AGPS: variants seen among roughly 807,000 people sequenced by gnomAD.
AGPS encodes alkyldihydroxyacetonephosphate synthase, peroxisomal.
A neutral mutation model predicts 90.7 loss-of-function variants in AGPS; 26 were observed. The ratio of observed to expected loss-of-function variants is 0.29; its 90% CI spans 0.21 to 0.40. The LOEUF is 0.40. Among genes scored for constraint, AGPS ranks in the 10% least tolerant of loss-of-function variants. The pLI is 1.00. For synonymous variants in AGPS, 294 were observed against 285.3 expected (o/e 1.03, Z -0.31); for missense variants, 540 against 816.1 (o/e 0.66, Z 4.12).
At chr2:177,424,581 A>C (rs1237787785) in intron 2 of AGPS, among the ~76,000 whole-genome samples, 4 of 152,084 alleles carry the variant, frequency 2.6e-5, no homozygotes, top group Non-Finnish European at 1.5e-5. Flanking sequence ...TTTATAATGT[A>C]TCTATTCCTT....
chr2:177,424,834 G>A (rs1226469629), intron 2 of AGPS, among the ~76,000 whole-genome samples: 2 of 152,202 alleles, frequency 1.3e-5, no homozygotes, highest in East Asian at 3.8e-4. Context: ...AATGATGAGT[G>A]ATGCTGAGCT....
At chr2:177,411,635 C>T (rs1230748443) in intron 1 of AGPS, among the ~76,000 whole-genome samples, 2 of 152,174 alleles carry the variant, frequency 1.3e-5, no homozygotes, top group African/African-American at 4.8e-5. Flanking sequence ...CTAGCAGTAA[C>T]ATTATATTTT....
chr2:177,423,258 G>T (rs1206015486), intron 2 of AGPS, among the ~76,000 whole-genome samples: 1 of 18,374 alleles, frequency 5.4e-5, no homozygotes, highest in Non-Finnish European at 1.7e-4. Flanking sequence ...GGGGAGAAGC[G>T]TAAGAAGATT....
chr2:177,481,530 A>G (rs541909553), intron 10 of AGPS, among the ~76,000 whole-genome samples: 1 of 152,006 alleles, frequency 6.6e-6, no homozygotes, highest in Non-Finnish European at 1.5e-5. Flanking sequence ...TTAAAAGGGC[A>G]TCTCAGTAAT....
chr2:177,455,014 A>G (rs1452813310), intron 8 of AGPS, among the ~76,000 whole-genome samples: 1 of 151,496 alleles, frequency 6.6e-6, no homozygotes, highest in South Asian at 2.1e-4. Context: ...TTTTAAGCTC[A>G]TCAGCTGTTG....
At chr2:177,412,638 G>A (rs1038756238) in intron 1 of AGPS, among the ~76,000 whole-genome samples, 4 of 152,236 alleles carry the variant, frequency 2.6e-5, no homozygotes, top group Admixed American at 6.5e-5. Flanking sequence ...GTCCCTTCGT[G>A]GTTGCCAAAA....
At chr2:177,455,583 C>T (rs553072146) in intron 8 of AGPS, among the ~76,000 whole-genome samples, 75 of 152,108 alleles carry the variant, frequency 4.9e-4, no homozygotes, top group African/African-American at 1.7e-3. Flanking sequence ...TGTGAGCCAC[C>T]ATGCCTGGCC....
At chr2:177,502,232 G>A (rs1244972785) in intron 14 of AGPS, among the ~76,000 whole-genome samples, 2 of 126,304 alleles carry the variant, frequency 1.6e-5, no homozygotes, top group Admixed American at 1.7e-4. Context: ...GTTAAAGATT[G>A]GCTCCGTTTG....
chr2:177,523,487 G>A (rs180919501), intron 18 of AGPS, among the ~76,000 whole-genome samples: 62 of 152,282 alleles, frequency 4.1e-4, no homozygotes, highest in African/African-American at 1.5e-3. Context: ...TTAGTGTGCT[G>A]AATGGTCATT....
At chr2:177,530,005 AAT>A (rs1414200804) in intron 19 of AGPS, among the ~76,000 whole-genome samples, 2 of 152,212 alleles carry the variant, frequency 1.3e-5, no homozygotes, top group Admixed American at 1.3e-4. Flanking sequence ...CTTAAAAAAC[AAT>A]AGTTTTGTTT....
intron 12 of AGPS, among the ~76,000 whole-genome samples, chr2:177,494,088 T>TTTATC (rs1229787631): frequency 1.3e-5 from 2 of 152,162 alleles, no homozygotes; most frequent in Non-Finnish European, 1.5e-5. Context: ...TACTTTGGGA[T>TTTATC]TTAAGTTTAT....
rs139133686 is a variant in AGPS, at chr2:177,394,895, A to T, written c.260+1846A>T. On this transcript the variant is annotated intron_variant, in intron 1 of 19. Coordinates refer to ENST00000264167, the MANE Select transcript of AGPS (RefSeq NM_003659.4). ...CTAAAGGCAGAGAGACTAGGAGACTATTATTCCAGGGAGAAATGCTGGGAT... is the reference window on the plus strand; with the variant it reads ...CTAAAGGCAGAGAGACTAGGAGACTTTTATTCCAGGGAGAAATGCTGGGAT... Among the ~76,000 whole-genome samples, 114 of 152,208 alleles carry T rather than the reference A, an allele frequency of 7.5e-4. 3 individuals are homozygous for T. The highest frequency in any genetic ancestry group is 2.6e-4 in the Non-Finnish European group (18 of 68,040).
intron 11 of AGPS, among the ~76,000 whole-genome samples, chr2:177,492,873 T>G (rs1200906690): frequency 6.6e-6 from 1 of 151,828 alleles, no homozygotes; most frequent in Non-Finnish European, 1.5e-5. Flanking sequence ...TGCCAGACAT[T>G]AGGCAGCTTT....
At chr2:177,502,278 T>G (rs1688581410) in intron 14 of AGPS, among the ~76,000 whole-genome samples, 1 of 152,176 alleles carries the variant, frequency 6.6e-6, no homozygotes, top group East Asian at 1.9e-4. Context: ...TATTTGTTCC[T>G]TCTTAGTTAT....
intron 2 of AGPS, among the ~76,000 whole-genome samples, chr2:177,424,128 A>G (rs1474957545): frequency 1.3e-5 from 2 of 151,996 alleles, no homozygotes; most frequent in Non-Finnish European, 2.9e-5. Context: ...GCTCCCCTTG[A>G]TGGGCCCCAG....
At chr2:177,475,388 C>T (rs1044093105) in intron 10 of AGPS, among the ~76,000 whole-genome samples, 1 of 152,146 alleles carries the variant, frequency 6.6e-6, no homozygotes, top group Non-Finnish European at 1.5e-5. Flanking sequence ...CCCTTTGCCT[C>T]TTCTGACAAA....
chr2:177,434,196 C>G (rs750397893), intron 2 of AGPS, 131 bp from the exon 3 acceptor site: 1 of 677,250 alleles, frequency 1.5e-6, no homozygotes, highest in African/African-American at 1.8e-5. Flanking sequence ...TGTTTTCGTT[C>G]AGAGTTTATA....
intron 14 of AGPS, among the ~76,000 whole-genome samples, chr2:177,501,200 T>G (rs1688551503): frequency 6.6e-6 from 1 of 152,162 alleles, no homozygotes; most frequent in Non-Finnish European, 1.5e-5. Context: ...ATCATTTAAA[T>G]AACTGTATAT....
chr2:177,508,056 A>G, intron 16 of AGPS, 25 bp downstream of exon 16: 2 of 1,533,552 alleles, frequency 1.3e-6, no homozygotes, highest in South Asian at 1.1e-5. Context: ...AGTGCCTGAT[A>G]TTATTCAAAT....
Sources: gnomAD v4.1 joint callset for allele counts (sites outside exome capture counted in the v4.1 genomes callset) on GRCh38, gnomAD v4.1.1 for gene constraint, MANE v1.5 for transcripts, NCBI Gene and HGNC (gene_info 2026-07-23, HGNC 2026-07-21) for gene names.